The following LAMA1 variants were observed in gnomAD, a reference collection of about 807,000 sequenced individuals.
The protein encoded by LAMA1 is laminin subunit alpha-1.
Under a neutral mutation model 348.7 loss-of-function variants are expected in LAMA1, and 219 were observed. That is an observed-to-expected ratio of 0.63 (90% CI 0.56 to 0.70). The LOEUF (loss-of-function observed/expected upper bound fraction) is 0.70. Ranked by LOEUF, LAMA1 falls within the 30% of genes least tolerant of loss-of-function variation. The probability of loss-of-function intolerance (pLI) is 0.00; values close to 1 mark genes in which losing one functional copy is unlikely to be tolerated. For synonymous variants in LAMA1, 1,487 were observed against 1,491.0 expected (o/e 1.00, Z 0.06); for missense variants, 3,744 against 3,888.0 (o/e 0.96, Z 0.99).
chr18:7,009,731 T>C (rs565470060), intron 26 of LAMA1, among the ~76,000 whole-genome samples: 2 of 152,142 alleles, frequency 1.3e-5, no homozygotes, highest in African/African-American at 2.4e-5. Flanking sequence ...GCCCACTAAA[T>C]TGACATAAAA....
At chr18:7,004,655 A>G (rs957232208) in intron 29 of LAMA1, among the ~76,000 whole-genome samples, 2 of 152,068 alleles carry the variant, frequency 1.3e-5, no homozygotes, top group African/African-American at 2.4e-5. Context: ...CCCGGCCCCA[A>G]TCATTTTTAT....
chr18:6,947,087 T>C (rs2057524944), intron 61 of LAMA1, 76 bp downstream of exon 61: 20 of 1,581,692 alleles, frequency 1.3e-5, no homozygotes, highest in Non-Finnish European at 1.7e-5. Flanking sequence ...AGTTGTGAAT[T>C]TGAATCTGCT....
At chr18:7,065,251 A>C (rs529680613) in intron 3 of LAMA1, among the ~76,000 whole-genome samples, 1 of 147,854 alleles carries the variant, frequency 6.8e-6, no homozygotes, top group East Asian at 2.0e-4. Context: ...AAAAAAAAAA[A>C]AACAACGACT....
chr18:6,979,788 A>C (rs2057701474), intron 42 of LAMA1, among the ~76,000 whole-genome samples: 1 of 151,904 alleles, frequency 6.6e-6, no homozygotes, highest in Admixed American at 6.6e-5. Context: ...AGTCCCAGCT[A>C]CTCGGGAGGC....
At chr18:7,045,355 A>G (rs968244492) in intron 6 of LAMA1, among the ~76,000 whole-genome samples, 1 of 152,130 alleles carries the variant, frequency 6.6e-6, no homozygotes, top group African/African-American at 2.4e-5. Flanking sequence ...CTGTAATCCC[A>G]GCTACTCAGG....
In LAMA1 at chr18:6,992,670, G is replaced by A. The variant is rs1216836136; in HGVS notation, c.5059C>T (p.Leu1687=). The A allele has an allele frequency of 5.6e-6, 9 of 1,613,508 alleles. No individual in the cohort carries two copies. The highest frequency in any genetic ancestry group is 3.3e-4 in the Middle Eastern group (2 of 6,062). Reference sequence around the variant, plus strand: ...ATGTTCTGAAGAGTAGAATTGGGTAGTAGGAAATCTTCATCCAAAGTCTGA... The same window carrying A: ...ATGTTCTGAAGAGTAGAATTGGGTAATAGGAAATCTTCATCCAAAGTCTGA... ...LNQTLDEDFL[L]PNSTLQNMQQ... is the part of the protein sequence containing the mutation. The change falls in exon 36 of 63, where the codon CTA becomes TTA. Residue 1687 remains leucine, a synonymous_variant. Coordinates refer to ENST00000389658, the MANE Select transcript of LAMA1 (RefSeq NM_005559.4).
At chr18:7,052,056 A>G (rs1408780150) in intron 3 of LAMA1, among the ~76,000 whole-genome samples, 5 of 152,200 alleles carry the variant, frequency 3.3e-5, no homozygotes, top group African/African-American at 9.6e-5. Context: ...AACACACGCT[A>G]TGGTGCATGC....
intron 29 of LAMA1, among the ~76,000 whole-genome samples, chr18:7,006,920 T>C (rs976587658): frequency 1.4e-4 from 22 of 152,220 alleles, no homozygotes; most frequent in Non-Finnish European, 2.8e-4. Flanking sequence ...TGCCCACAGA[T>C]AAATTCATCA....
At chr18:7,005,653 CAGG>C (rs2057828658) in intron 29 of LAMA1, among the ~76,000 whole-genome samples, 2 of 152,268 alleles carry the variant, frequency 1.3e-5, no homozygotes, top group East Asian at 1.9e-4. Context: ...GGAGGCTGAG[CAGG>C]AGAATTGCTT....
intron 28 of LAMA1, among the ~76,000 whole-genome samples, chr18:7,007,829 A>G (rs543457248): frequency 1.3e-4 from 20 of 152,290 alleles, no homozygotes; most frequent in African/African-American, 4.6e-4. Context: ...ATTCTGACAC[A>G]TGCTACAACA....
Position 6,975,623 on chromosome 18 carries a change from C to A in LAMA1, c.6489+314G>T, listed in dbSNP as rs995460430. Among the ~76,000 whole-genome samples, 13 of 152,188 alleles carry A rather than the reference C, an allele frequency of 8.5e-5. 1 individual carries two copies. The highest frequency in any genetic ancestry group is 7.9e-4 in the Admixed American group (12 of 15,278). On this transcript the variant is annotated intron_variant, in intron 45 of 62. Coordinates refer to ENST00000389658, the MANE Select transcript of LAMA1 (RefSeq NM_005559.4). Reference sequence around the variant, plus strand: ...CCACTGGAATCCTTGGCAAGAAAAACCTGACAGAAGCTTGACAATTCTGCT... The same window carrying A: ...CCACTGGAATCCTTGGCAAGAAAAAACTGACAGAAGCTTGACAATTCTGCT...
intron 61 of LAMA1, among the ~76,000 whole-genome samples, chr18:6,946,477 T>C (rs1166597355): frequency 6.6e-6 from 1 of 152,028 alleles, no homozygotes; most frequent in East Asian, 1.9e-4. Flanking sequence ...TCCCAGCACT[T>C]TGGGAGGCGA....
At chr18:7,081,680 T>G (rs943238688) in intron 1 of LAMA1, among the ~76,000 whole-genome samples, 1 of 152,160 alleles carries the variant, frequency 6.6e-6, no homozygotes, top group Non-Finnish European at 1.5e-5. Flanking sequence ...TAAAAGGGGA[T>G]AGCAGCAGTG....
At chr18:7,085,572 C>T (rs2058212614) in intron 1 of LAMA1, among the ~76,000 whole-genome samples, 1 of 152,026 alleles carries the variant, frequency 6.6e-6, no homozygotes, top group East Asian at 1.9e-4. Context: ...GCACCCGCCA[C>T]CAAGCCCGGC....
chr18:6,997,201 C>T (rs1048840579), intron 33 of LAMA1, among the ~76,000 whole-genome samples: 3 of 152,152 alleles, frequency 2.0e-5, no homozygotes, highest in Admixed American at 6.6e-5. Context: ...GTAGCTGGGA[C>T]TACAGGCACG....
At chr18:7,086,479 CT>C (rs1210848291) in intron 1 of LAMA1, among the ~76,000 whole-genome samples, 1 of 152,180 alleles carries the variant, frequency 6.6e-6, no homozygotes, top group Non-Finnish European at 1.5e-5. Context: ...AAGTCCAGAT[CT>C]TTCCTGAACC....
intron 29 of LAMA1, among the ~76,000 whole-genome samples, chr18:7,003,236 A>C (rs2057815921): frequency 6.8e-6 from 1 of 147,498 alleles, no homozygotes; most frequent in South Asian, 2.1e-4. Context: ...CTATTAAAAA[A>C]GGTACACTTA....
intron 7 of LAMA1, 40 bp from the exon 8 acceptor site, chr18:7,043,445 C>G (rs775400822): frequency 2.6e-6 from 4 of 1,549,914 alleles, no homozygotes; most frequent in Admixed American, 1.7e-5. Context: ...ATTTACATAG[C>G]ATGCCTTATA....
chr18:7,056,158 C>A (rs998861556), intron 3 of LAMA1, among the ~76,000 whole-genome samples: 1 of 151,952 alleles, frequency 6.6e-6, no homozygotes, highest in Non-Finnish European at 1.5e-5. Context: ...CATAGCTACT[C>A]ATCACTGTCC....
Sources: gnomAD v4.1 joint callset for allele counts (sites outside exome capture counted in the v4.1 genomes callset) on GRCh38, gnomAD v4.1.1 for gene constraint, MANE v1.5 for transcripts, NCBI Gene and HGNC (gene_info 2026-07-23, HGNC 2026-07-21) for gene names.